SCAPER: variants seen among roughly 807,000 people sequenced by gnomAD.
The protein encoded by SCAPER is S-phase cyclin A associated protein in the ER.
Under a neutral mutation model 182.2 loss-of-function variants are expected in SCAPER, and 98 were observed. The observed-to-expected ratio is 0.54, with a 90% CI of 0.46 to 0.64. The LOEUF (loss-of-function observed/expected upper bound fraction) is 0.64, where lower values mean the gene tolerates loss of function less well. SCAPER is among the 30% of genes least tolerant of loss of function. SCAPER has a pLI of 0.00. For missense variants in SCAPER, 1,432 were observed against 1,690.0 expected, an observed-to-expected ratio of 0.85 and a Z score of 2.68; for synonymous variants, 605 against 564.6, an observed-to-expected ratio of 1.07 and a Z score of -1.01.
chr15:76,768,577 A>G (rs2063248829), intron 10 of SCAPER, among the ~76,000 whole-genome samples: 2 of 152,170 alleles, frequency 1.3e-5, no homozygotes, highest in African/African-American at 4.8e-5. Flanking sequence ...TTCTTTTTAG[A>G]GTGATGAAAG....
chr15:76,587,895 T>C (rs1267865694), intron 22 of SCAPER, among the ~76,000 whole-genome samples: 3 of 151,948 alleles, frequency 2.0e-5, no homozygotes, highest in Non-Finnish European at 2.9e-5. Context: ...ACTATTACTG[T>C]GCTACTGTCT....
At chr15:76,557,888 A>G (rs2046306695) in intron 23 of SCAPER, among the ~76,000 whole-genome samples, 2 of 152,212 alleles carry the variant, frequency 1.3e-5, no homozygotes, top group African/African-American at 4.8e-5. Context: ...CAACAATATC[A>G]AGCAATGGGT....
At chr15:76,850,526 G>C (rs994798638) in intron 4 of SCAPER, among the ~76,000 whole-genome samples, 1 of 152,156 alleles carries the variant, frequency 6.6e-6, no homozygotes, top group Non-Finnish European at 1.5e-5. Context: ...GACCACATCA[G>C]TTCTTTAATA....
chr15:76,877,041 GC>G (rs2073219370), intron 2 of SCAPER, among the ~76,000 whole-genome samples: 1 of 152,044 alleles, frequency 6.6e-6, no homozygotes, highest in Non-Finnish European at 1.5e-5. Flanking sequence ...TTCAAGACCA[GC>G]CTGGGAAACA....
chr15:76,373,845 T>G (rs2042352730), intron 29 of SCAPER, among the ~76,000 whole-genome samples: 1 of 152,104 alleles, frequency 6.6e-6, no homozygotes, highest in Non-Finnish European at 1.5e-5. Context: ...CAGGGCTTAG[T>G]GTCCCTCTGA....
In SCAPER at chr15:76,404,586, A is replaced by C; in HGVS notation, c.3405T>G (p.Phe1135Leu). The change falls in exon 27 of 32, where the codon TTT (phenylalanine) becomes TTG (leucine). Residue 1135 changes from phenylalanine to leucine, a missense_variant. Physicochemically the swap from Phe to Leu is conservative, Grantham distance 22 (BLOSUM62 0). Around this residue, in one of 5 missense-constraint regions of SCAPER, gnomAD observed 718 missense variants for 799.7 expected, o/e 0.90. Transcript: ENST00000563290. Reference protein sequence around the residue: ...PVDENPKMAIFLQHAAGLLHA... With the variant: ...PVDENPKMAILLQHAAGLLHA... ...GTAAGAGTCCTGCGGCATGCTGCAG[A>C]AATATGGCCATCTTGGGATTCTCAT... 6.2e-7 allele frequency: 1 copy of C among 1,613,722 alleles called. No individual in the cohort carries two copies. Among genetic ancestry groups the C allele is most frequent in the East Asian group, 2.2e-5 (1 of 44,878 alleles).
chr15:76,545,174 T>C (rs1295697694), intron 23 of SCAPER, among the ~76,000 whole-genome samples: 3 of 152,192 alleles, frequency 2.0e-5, no homozygotes, highest in Non-Finnish European at 4.4e-5. Flanking sequence ...ATGTGTTTGA[T>C]GTAAAACCAT....
chr15:76,490,327 T>C (rs2052165845), intron 24 of SCAPER, among the ~76,000 whole-genome samples: 1 of 152,208 alleles, frequency 6.6e-6, no homozygotes. Flanking sequence ...TTAACGACCA[T>C]CCTAATGGGT....
At chr15:76,577,944 G>A (rs2047972466) in intron 22 of SCAPER, among the ~76,000 whole-genome samples, 1 of 152,050 alleles carries the variant, frequency 6.6e-6, no homozygotes, top group Non-Finnish European at 1.5e-5. Flanking sequence ...TGGTATTTCT[G>A]CACCTGAACT....
intron 27 of SCAPER, among the ~76,000 whole-genome samples, chr15:76,392,649 G>A (rs1219962939): frequency 6.6e-6 from 1 of 152,198 alleles, no homozygotes; most frequent in African/African-American, 2.4e-5. Flanking sequence ...TACTTGGGAA[G>A]CTGAGGTTGG....
At chr15:76,637,740 ATATGTGTG>A (rs1226032035) in intron 21 of SCAPER, among the ~76,000 whole-genome samples, 406 of 31,868 alleles carry the variant, frequency 0.013, 5 homozygotes, top group Middle Eastern at 0.052. Flanking sequence ...ATATATATAT[ATATGTGTG>A]TGTGTGTGTG....
intron 23 of SCAPER, among the ~76,000 whole-genome samples, chr15:76,554,610 G>A (rs1383336403): frequency 6.6e-6 from 1 of 151,614 alleles, no homozygotes; most frequent in Admixed American, 6.6e-5. Flanking sequence ...ACTTATCATT[G>A]CTTTGGCTAT....
chr15:76,358,286 A>G (rs1384157168), intron 29 of SCAPER, among the ~76,000 whole-genome samples: 1 of 152,358 alleles, frequency 6.6e-6, no homozygotes, highest in Non-Finnish European at 1.5e-5. Flanking sequence ...CCGTAGGTGC[A>G]TAGCTCCCCT....
At chr15:76,499,166 C>T (rs1044449286) in intron 24 of SCAPER, among the ~76,000 whole-genome samples, 8 of 152,120 alleles carry the variant, frequency 5.3e-5, no homozygotes, top group Non-Finnish European at 1.5e-5. Flanking sequence ...TTCAAAAACT[C>T]ATGGAAGTTT....
At chr15:76,801,660 C>T (rs2065803267) in intron 6 of SCAPER, among the ~76,000 whole-genome samples, 2 of 151,738 alleles carry the variant, frequency 1.3e-5, no homozygotes, top group Middle Eastern at 3.5e-3. Context: ...TGGCCCATTC[C>T]TGTAATCCCA....
intron 23 of SCAPER, among the ~76,000 whole-genome samples, chr15:76,550,526 G>A (rs1381462409): frequency 6.6e-6 from 1 of 152,092 alleles, no homozygotes; most frequent in African/African-American, 2.4e-5. Context: ...ACATGATCTC[G>A]TTCCTTTTTA....
chr15:76,402,125 A>G (rs1362719219), intron 27 of SCAPER, among the ~76,000 whole-genome samples: 1 of 152,132 alleles, frequency 6.6e-6, no homozygotes, highest in Non-Finnish European at 1.5e-5. Context: ...AGTAAGATTC[A>G]GTCTCAAAAA....
chr15:76,790,421 A>G (rs2064923737), intron 8 of SCAPER, among the ~76,000 whole-genome samples: 1 of 152,158 alleles, frequency 6.6e-6, no homozygotes, highest in Admixed American at 6.5e-5. Context: ...AGCCATCTTG[A>G]CCTGGAATGT....
intron 18 of SCAPER, among the ~76,000 whole-genome samples, chr15:76,703,911 A>G (rs2059103352): frequency 6.6e-6 from 1 of 152,204 alleles, no homozygotes; most frequent in African/African-American, 2.4e-5. Flanking sequence ...TACAAATAGT[A>G]AAATACAGTC....
Sources: allele counts gnomAD v4.1 joint callset (sites outside exome capture counted in the v4.1 genomes callset), GRCh38; gene constraint gnomAD v4.1.1; regional missense constraint gnomAD v4.1.1; transcripts MANE v1.5; gene names NCBI Gene and HGNC (gene_info 2026-07-23, HGNC 2026-07-21).